The following NDST3 variants were observed in gnomAD, a reference collection of about 807,000 sequenced individuals.
NDST3 encodes the protein N-deacetylase and N-sulfotransferase 3.
Under a neutral mutation model 96.1 loss-of-function variants are expected in NDST3, and 58 were observed. The ratio of observed to expected loss-of-function variants is 0.60; its 90% CI spans 0.49 to 0.75. NDST3 has a LOEUF of 0.75. NDST3 is among the 30% of genes least tolerant of loss of function. NDST3 has a pLI of 0.00. For missense variants in NDST3, 788 were observed against 1,034.2 expected, an observed-to-expected ratio of 0.76 and a Z score of 3.27; for synonymous variants, 333 against 359.7, an observed-to-expected ratio of 0.93 and a Z score of 0.84.
At chr4:118,123,759 T>G (rs1349243012) in intron 4 of NDST3, among the ~76,000 whole-genome samples, 1 of 152,098 alleles carries the variant, frequency 6.6e-6, no homozygotes, top group Non-Finnish European at 1.5e-5. Context: ...GAGGGAACTC[T>G]AAGAGAGGAA....
intron 6 of NDST3, among the ~76,000 whole-genome samples, chr4:118,156,190 T>C (rs1017952468): frequency 2.6e-5 from 4 of 152,166 alleles, no homozygotes; most frequent in African/African-American, 9.7e-5. Context: ...TCATAGTACC[T>C]TGAACAAAAC....
chr4:118,117,525 A>C (rs924708843), intron 4 of NDST3, among the ~76,000 whole-genome samples: 3 of 152,186 alleles, frequency 2.0e-5, no homozygotes, highest in African/African-American at 7.2e-5. Context: ...GGGTTACAAA[A>C]CTGCATTGTT....
chr4:118,230,526 G>A (rs1352956037), intron 8 of NDST3, among the ~76,000 whole-genome samples: 2 of 151,436 alleles, frequency 1.3e-5, no homozygotes, highest in East Asian at 3.9e-4. Flanking sequence ...AGTGAGCCGA[G>A]ATCACGCCGC....
chr4:118,167,239 T>C (rs1008951380), intron 6 of NDST3, among the ~76,000 whole-genome samples: 1 of 151,512 alleles, frequency 6.6e-6, no homozygotes, highest in African/African-American at 2.4e-5. Flanking sequence ...AAAATCAACA[T>C]ACAAAAATGA....
chr4:118,212,290 C>G (rs1489287685), intron 6 of NDST3, among the ~76,000 whole-genome samples: 1 of 152,164 alleles, frequency 6.6e-6, no homozygotes, highest in Non-Finnish European at 1.5e-5. Context: ...AATCCCATCA[C>G]TTAGTGGGGG....
chr4:118,136,826 G>A (rs1468638159), intron 4 of NDST3, among the ~76,000 whole-genome samples: 2 of 152,144 alleles, frequency 1.3e-5, no homozygotes, highest in African/African-American at 4.8e-5. Flanking sequence ...GCAATGACAT[G>A]AAGGAAATCA....
At chr4:118,219,435 T>C (rs13127368) in intron 6 of NDST3, among the ~76,000 whole-genome samples, 9,287 of 152,050 alleles carry the variant, frequency 0.061, 384 homozygotes, top group Non-Finnish European at 0.092. Flanking sequence ...AAACAAACAA[T>C]GGGGAAAGGA....
At chr4:118,180,688 G>C (rs1404232342) in intron 6 of NDST3, among the ~76,000 whole-genome samples, 1 of 152,152 alleles carries the variant, frequency 6.6e-6, no homozygotes, top group Non-Finnish European at 1.5e-5. Context: ...GTCATGTAGT[G>C]CATCTACAGT....
Position 118,256,849 on chromosome 4 carries a change from T to C in NDST3, c.*1137T>C, listed in dbSNP as rs1249657360. The C allele has an allele frequency of 2.0e-5, 3 of 152,298 alleles. No homozygotes were observed. The highest frequency in any genetic ancestry group is 2.0e-4 in the Admixed American group (3 of 15,296). The allele number at this position is 152,298 out of a possible 1,614,324, so 9.4% of individuals were successfully genotyped here. A position where few individuals can be genotyped will look rare whatever the true frequency, so the allele number is the denominator to read the frequency against. The stretch of plus-strand genomic sequence containing the variant: ...ATTTATAACAAAAAACAAATTAATA[T>C]ATTATTTGTAATCTAATGTTTGCAA... On this transcript the variant is annotated 3_prime_UTR_variant, in exon 14 of 14. Coordinates refer to ENST00000296499, the MANE Select transcript of NDST3 (RefSeq NM_004784.3).
intron 13 of NDST3, among the ~76,000 whole-genome samples, chr4:118,254,389 T>C (rs1452038891): frequency 1.3e-5 from 2 of 152,206 alleles, no homozygotes; most frequent in African/African-American, 2.4e-5. Context: ...AAAGAAGCAA[T>C]GTATTTCCCA....
chr4:118,203,112 C>T (rs1578808965), intron 6 of NDST3, among the ~76,000 whole-genome samples: 1 of 152,156 alleles, frequency 6.6e-6, no homozygotes, highest in South Asian at 2.1e-4. Context: ...TAGTGAATCA[C>T]ATTTATTCAT....
chr4:118,138,133 A>T lies in NDST3; in HGVS notation c.1304A>T (p.Tyr435Phe). ...SGVYPVHVQL[Y>F]EAWKKVWNIK... ...GTCTACCCTGTACATGTTCAGCTTTATGAGGCCTGGAAGAAGGTCTGGAAT... is the reference window on the plus strand; with the variant it reads ...GTCTACCCTGTACATGTTCAGCTTTTTGAGGCCTGGAAGAAGGTCTGGAAT... Residue 435 changes from tyrosine (Y) to phenylalanine (F), a missense_variant, in exon 5 of 14, where the codon TAT (tyrosine) becomes TTT (phenylalanine). Around this residue, in one of 3 missense-constraint regions of NDST3, gnomAD observed 490 missense variants for 708.8 expected, o/e 0.69. Transcript: ENST00000296499. 1 of 1,613,984 alleles carries T rather than the reference A, an allele frequency of 6.2e-7. No individual in the cohort carries two copies. The highest frequency in any genetic ancestry group is 8.5e-7 in the Non-Finnish European group (1 of 1,179,944).
At chr4:118,252,868 G>A (rs1382429164) in intron 12 of NDST3, among the ~76,000 whole-genome samples, 3 of 151,994 alleles carry the variant, frequency 2.0e-5, no homozygotes, top group African/African-American at 7.3e-5. Flanking sequence ...TCCAGCCTGG[G>A]CAACAAGACC....
intron 6 of NDST3, among the ~76,000 whole-genome samples, chr4:118,175,921 C>A (rs962395619): frequency 2.6e-5 from 4 of 151,994 alleles, no homozygotes; most frequent in African/African-American, 9.7e-5. Context: ...TTTCTCTGTG[C>A]CAAATTTCAG....
chr4:118,084,056 A>T (rs1268208620), intron 2 of NDST3, among the ~76,000 whole-genome samples: 1 of 152,150 alleles, frequency 6.6e-6, no homozygotes, highest in Non-Finnish European at 1.5e-5. Context: ...TTCATTTTTG[A>T]CCTTTTTTGA....
intron 8 of NDST3, among the ~76,000 whole-genome samples, chr4:118,227,752 C>CA (rs1279243343): frequency 6.6e-5 from 10 of 152,172 alleles, no homozygotes; most frequent in African/African-American, 1.2e-4. Flanking sequence ...GCTGGGGCTA[C>CA]AGGCGCCTGC....
chr4:118,243,020 C>T (rs537015779), intron 12 of NDST3, among the ~76,000 whole-genome samples: 1 of 152,026 alleles, frequency 6.6e-6, no homozygotes, highest in East Asian at 1.9e-4. Flanking sequence ...TTGTTCCTAC[C>T]ACATGTGTAG....
At chr4:118,063,432 A>T (rs1430983958) in intron 2 of NDST3, among the ~76,000 whole-genome samples, 1 of 152,180 alleles carries the variant, frequency 6.6e-6, no homozygotes, top group Non-Finnish European at 1.5e-5. Context: ...ATGAATAATG[A>T]AACACATTTT....
At chr4:118,233,161 T>C (rs1740422376) in intron 9 of NDST3, 26 bp downstream of exon 9, 1 of 1,592,282 alleles carries the variant, frequency 6.3e-7, no homozygotes, top group African/African-American at 1.3e-5. Context: ...AGTATAAATC[T>C]AAAAGTATAT....
Sources: allele counts gnomAD v4.1 joint callset (sites outside exome capture counted in the v4.1 genomes callset), GRCh38; gene constraint gnomAD v4.1.1; regional missense constraint gnomAD v4.1.1; transcripts MANE v1.5; gene names NCBI Gene and HGNC (gene_info 2026-07-23, HGNC 2026-07-21).